RBMS3: variants seen among roughly 807,000 people sequenced by gnomAD.
The protein encoded by RBMS3 is RNA-binding motif, single-stranded-interacting protein 3.
Under a neutral mutation model 66.8 loss-of-function variants are expected in RBMS3, and 27 were observed. The ratio of observed to expected loss-of-function variants is 0.40; its 90% confidence interval spans 0.30 to 0.56. The LOEUF (loss-of-function observed/expected upper bound fraction) is 0.56. RBMS3 is among the 20% of genes least tolerant of loss of function. The pLI, the probability that RBMS3 is intolerant of heterozygous loss-of-function variation, is 0.40. For missense variants in RBMS3, 513 were observed against 549.5 expected (o/e 0.93, Z 0.66); for synonymous variants, 188 against 183.0 (o/e 1.03, Z -0.22).
At chr3:29,373,283 G>A (rs2038302369) in intron 1 of RBMS3, among the ~76,000 whole-genome samples, 1 of 151,992 alleles carries the variant, frequency 6.6e-6, no homozygotes, top group Non-Finnish European at 1.5e-5. Flanking sequence ...AGCAGCTTCT[G>A]AAACTGAGAA....
chr3:29,469,408 G>A (rs1174387705), intron 2 of RBMS3, among the ~76,000 whole-genome samples: 1 of 151,942 alleles, frequency 6.6e-6, no homozygotes. Context: ...GTTAATAACA[G>A]CAATGTTTAT....
At chr3:29,328,957 C>G (rs1260818482) in intron 1 of RBMS3, among the ~76,000 whole-genome samples, 4 of 151,886 alleles carry the variant, frequency 2.6e-5, no homozygotes, top group Admixed American at 2.6e-4. Context: ...TGTGAAAACA[C>G]TCATTTTTGG....
At chr3:29,942,399 C>A (rs1025048904) in intron 11 of RBMS3, among the ~76,000 whole-genome samples, 15 of 151,724 alleles carry the variant, frequency 9.9e-5, no homozygotes, top group African/African-American at 3.6e-4. Context: ...ATTGTGTGCC[C>A]TGTAGTCCAA....
chr3:29,430,228 C>G (rs1187066655), intron 1 of RBMS3, among the ~76,000 whole-genome samples: 1 of 152,006 alleles, frequency 6.6e-6, no homozygotes, highest in Non-Finnish European at 1.5e-5. Flanking sequence ...AAATGAAATA[C>G]TAAAGATAAG....
At chr3:29,669,343 A>G (rs1422173934) in intron 4 of RBMS3, among the ~76,000 whole-genome samples, 3 of 152,188 alleles carry the variant, frequency 2.0e-5, no homozygotes, top group Non-Finnish European at 2.9e-5. Context: ...GATGGTATCC[A>G]TACTGTTTCT....
intron 12 of RBMS3, among the ~76,000 whole-genome samples, chr3:29,944,803 A>T (rs1441980598): frequency 2.0e-5 from 3 of 151,748 alleles, no homozygotes; most frequent in African/African-American, 7.2e-5. Flanking sequence ...TCTTTTGGAT[A>T]TTGAAAGAAA....
intron 4 of RBMS3, among the ~76,000 whole-genome samples, chr3:29,739,391 G>A (rs2149348628): frequency 6.7e-6 from 1 of 149,846 alleles, no homozygotes; most frequent in East Asian, 2.0e-4. Flanking sequence ...GGGAAGCAGA[G>A]CTTGCAGTGA....
intron 3 of RBMS3, among the ~76,000 whole-genome samples, chr3:29,534,895 T>C (rs1576151508): frequency 1.3e-5 from 2 of 152,086 alleles, no homozygotes; most frequent in African/African-American, 4.8e-5. Flanking sequence ...GGAAAGATTA[T>C]TGATTAAATG....
intron 1 of RBMS3, among the ~76,000 whole-genome samples, chr3:29,340,678 G>T (rs2036231480): frequency 6.6e-6 from 1 of 152,088 alleles, no homozygotes; most frequent in Admixed American, 6.6e-5. Flanking sequence ...AAGCAAAGCT[G>T]GTTTTACTGT....
intron 3 of RBMS3, among the ~76,000 whole-genome samples, chr3:29,536,381 CA>C (rs34739116): frequency 6.6e-6 from 1 of 151,190 alleles, no homozygotes; most frequent in African/African-American, 2.4e-5. Flanking sequence ...TCAGACTGGC[CA>C]AAAAAAATTT....
chr3:29,397,963 A>T (rs1337834678), intron 1 of RBMS3, among the ~76,000 whole-genome samples: 3 of 152,208 alleles, frequency 2.0e-5, no homozygotes, highest in Non-Finnish European at 4.4e-5. Flanking sequence ...ATGAGCAAGT[A>T]TTCAAACTAT....
At chr3:29,697,893 A>C (rs1042901391) in intron 4 of RBMS3, among the ~76,000 whole-genome samples, 3 of 152,238 alleles carry the variant, frequency 2.0e-5, no homozygotes, top group African/African-American at 7.2e-5. Context: ...TTTTTTATTT[A>C]GAGTTGCCTA....
At chr3:29,896,042 AT>A (rs2060117625) in intron 8 of RBMS3, among the ~76,000 whole-genome samples, 1 of 151,372 alleles carries the variant, frequency 6.6e-6, no homozygotes, top group Admixed American at 6.6e-5. Context: ...TGATGGGATA[AT>A]TTTTTTCATC....
At chr3:29,743,576 T>A (rs768528820) in intron 5 of RBMS3, among the ~76,000 whole-genome samples, 1 of 152,154 alleles carries the variant, frequency 6.6e-6, no homozygotes, top group African/African-American at 2.4e-5. Flanking sequence ...ACAAGCACTT[T>A]AGATGACTCT....
intron 1 of RBMS3, among the ~76,000 whole-genome samples, chr3:29,291,501 C>T (rs557946095): frequency 4.6e-5 from 7 of 151,832 alleles, no homozygotes; most frequent in South Asian, 4.2e-4. Flanking sequence ...TTTTTTATTG[C>T]GTAATTGGTG....
At chr3:29,673,572 A>G (rs2051100952) in intron 4 of RBMS3, among the ~76,000 whole-genome samples, 1 of 152,164 alleles carries the variant, frequency 6.6e-6, no homozygotes, top group Non-Finnish European at 1.5e-5. Flanking sequence ...TAAAAGTGAT[A>G]TCACCACCAA....
chr3:29,752,451 C>T (rs1357837785), intron 5 of RBMS3, among the ~76,000 whole-genome samples: 2 of 152,102 alleles, frequency 1.3e-5, no homozygotes, highest in African/African-American at 2.4e-5. Flanking sequence ...GTGGAGCCCT[C>T]GCCGGGGAAC....
chr3:29,983,470 G>C (rs1354930729), intron 12 of RBMS3, among the ~76,000 whole-genome samples: 1 of 152,074 alleles, frequency 6.6e-6, no homozygotes, highest in Non-Finnish European at 1.5e-5. Context: ...ATGCTAGCTG[G>C]TTATTTTGCC....
At chr3:29,727,097 C>T (rs2053918247) in intron 4 of RBMS3, among the ~76,000 whole-genome samples, 1 of 152,046 alleles carries the variant, frequency 6.6e-6, no homozygotes, top group African/African-American at 2.4e-5. Context: ...ACAAACCTGA[C>T]AAAAATAAGC....
Sources: allele counts gnomAD v4.1 joint callset (sites outside exome capture counted in the v4.1 genomes callset), GRCh38; gene constraint gnomAD v4.1.1; transcripts MANE v1.5; gene names NCBI Gene and HGNC (gene_info 2026-07-23, HGNC 2026-07-21).